Variants in ERC1 observed in about 807,000 individuals in gnomAD.
ERC1 encodes the protein RAB6 interacting protein 2.
ERC1 carries 56 observed loss-of-function variants against 132.0 expected under a neutral mutation model. That is an observed-to-expected ratio of 0.42 (90% CI 0.34 to 0.53). ERC1 has a LOEUF of 0.53. ERC1 is among the 20% of genes least tolerant of loss of function. ERC1 has a pLI of 0.03. For missense variants in ERC1, 1,202 were observed against 1,349.9 expected, an observed-to-expected ratio of 0.89 and a Z score of 1.72; for synonymous variants, 478 against 476.1, an observed-to-expected ratio of 1.00 and a Z score of -0.05.
intron 1 of ERC1, among the ~76,000 whole-genome samples, chr12:1,007,669 A>G (rs954450243): frequency 3.9e-5 from 6 of 152,136 alleles, no homozygotes; most frequent in Admixed American, 2.6e-4. Flanking sequence ...GAACAGTGCT[A>G]TTGGGTACAG....
intron 16 of ERC1, among the ~76,000 whole-genome samples, chr12:1,406,930 TA>T (rs2091533779): frequency 6.6e-6 from 1 of 152,190 alleles, no homozygotes; most frequent in South Asian, 2.1e-4. Context: ...AATCATACAG[TA>T]TTAGCAAGTT....
intron 15 of ERC1, among the ~76,000 whole-genome samples, chr12:1,309,971 A>G (rs970846307): frequency 6.7e-6 from 1 of 149,476 alleles, no homozygotes; most frequent in African/African-American, 2.5e-5. Flanking sequence ...GTTTTGAGAC[A>G]GAGTCTCGTG....
At chr12:1,033,058 CAA>C (rs1170947859) in intron 2 of ERC1, among the ~76,000 whole-genome samples, 6 of 144,994 alleles carry the variant, frequency 4.1e-5, no homozygotes, top group East Asian at 4.2e-4. Flanking sequence ...TTTTTTGAAA[CAA>C]GAGTCTCGCT....
intron 15 of ERC1, among the ~76,000 whole-genome samples, chr12:1,311,779 G>A (rs1180253871): frequency 6.6e-6 from 1 of 152,094 alleles, no homozygotes; most frequent in East Asian, 1.9e-4. Context: ...TATTTTTCTG[G>A]CTATTTCACT....
intron 12 of ERC1, among the ~76,000 whole-genome samples, chr12:1,222,714 AT>A (rs1406539793): frequency 6.6e-6 from 1 of 152,024 alleles, no homozygotes; most frequent in Non-Finnish European, 1.5e-5. Context: ...GAAGCATCCT[AT>A]TTTTTCTTAA....
intron 14 of ERC1, among the ~76,000 whole-genome samples, chr12:1,288,492 A>T (rs952992110): frequency 1.1e-4 from 16 of 152,244 alleles, no homozygotes; most frequent in African/African-American, 3.4e-4. Flanking sequence ...CACTTCTGGA[A>T]GGATAAAAAA....
At chr12:1,456,212 C>T (rs1376598541) in intron 18 of ERC1, among the ~76,000 whole-genome samples, 1 of 152,168 alleles carries the variant, frequency 6.6e-6, no homozygotes, top group Non-Finnish European at 1.5e-5. Context: ...GTCAAAGTAT[C>T]CTAATTTGAA....
chr12:1,011,114 T>C (rs902713566), intron 1 of ERC1, among the ~76,000 whole-genome samples: 1 of 152,224 alleles, frequency 6.6e-6, no homozygotes, highest in Non-Finnish European at 1.5e-5. Context: ...AAAATGACTT[T>C]GAGACTAGGT....
chr12:1,192,155 T>C (rs1459930124), intron 12 of ERC1, among the ~76,000 whole-genome samples: 1 of 152,178 alleles, frequency 6.6e-6, no homozygotes, highest in East Asian at 1.9e-4. Flanking sequence ...ATTTGAAGAC[T>C]CCTTACCCTT....
At chr12:1,232,777 T>G in intron 12 of ERC1, among the ~76,000 whole-genome samples, 1 of 152,138 alleles carries the variant, frequency 6.6e-6, no homozygotes, top group Non-Finnish European at 1.5e-5. Context: ...TTTAGGATGA[T>G]TATCTTTAAT....
chr12:1,444,633 C>G lies in ERC1; in HGVS notation c.3096C>G (p.Thr1032=). The G allele has an allele frequency of 1.2e-6, 2 of 1,614,018 alleles. No homozygotes were observed. The highest frequency in any genetic ancestry group is 2.2e-5 in the South Asian group (2 of 91,072). Residue 1032 remains threonine, a synonymous_variant, in exon 18 of 19, where the codon ACC becomes ACG. Transcript: ENST00000360905. The stretch of plus-strand genomic sequence containing the variant: ...AGTTGTACATTGGACACCTGACAAC[C>G]CTCTGCCATGACCGAGACCCCCTGA... ...KLKLYIGHLT[T]LCHDRDPLIL... is the part of the protein sequence containing the mutation.
chr12:1,398,086 C>T (rs1436864477), intron 16 of ERC1, among the ~76,000 whole-genome samples: 1 of 152,132 alleles, frequency 6.6e-6, no homozygotes, highest in Admixed American at 6.6e-5. Context: ...CAGGCTCAAT[C>T]GATCCTCCCA....
rs1482399610 is a variant in ERC1 at position 1,418,615 on chromosome 12, CTTTCTTTCTT to C, written c.3024+10370_3024+10379del. The stretch of plus-strand genomic sequence containing the variant: ...TCTTTCTTTCTTTCTTTCTTTCTTT[CTTTCTTTCTT>C]TCTTTCTTTCTTTCTTTCTCTCTCT... On this transcript the variant is annotated intron_variant, in intron 17 of 18. Transcript: ENST00000360905. Among the ~76,000 whole-genome samples the C allele has an allele frequency of 1.6e-3, 182 of 116,704 alleles. 3 individuals are homozygous for C. The highest frequency in any genetic ancestry group is 8.5e-3 in the African/African-American group (169 of 19,998). The allele number at this position is 116,704 out of a possible 152,430, so 76.6% of individuals were successfully genotyped here. A position where few individuals can be genotyped will look rare whatever the true frequency, so the allele number is the denominator to read the frequency against.
At chr12:1,483,844 C>T (rs73601964) in intron 18 of ERC1, among the ~76,000 whole-genome samples, 4 of 151,740 alleles carry the variant, frequency 2.6e-5, no homozygotes, top group Non-Finnish European at 4.4e-5. Flanking sequence ...GCACTCACCA[C>T]CACATGTGAC....
chr12:1,486,026 A>G (rs1229938070), intron 18 of ERC1, among the ~76,000 whole-genome samples: 1 of 152,246 alleles, frequency 6.6e-6, no homozygotes, highest in Non-Finnish European at 1.5e-5. Flanking sequence ...CATTGACTTC[A>G]TATGCTTCCT....
At chr12:1,243,349 C>T (rs1214399502) in intron 13 of ERC1, among the ~76,000 whole-genome samples, 1 of 151,816 alleles carries the variant, frequency 6.6e-6, no homozygotes, top group Non-Finnish European at 1.5e-5. Flanking sequence ...GAACCAATCC[C>T]CAGAAGATAC....
chr12:1,227,912 A>G (rs547387679), intron 12 of ERC1, among the ~76,000 whole-genome samples: 2 of 152,318 alleles, frequency 1.3e-5, no homozygotes, highest in African/African-American at 4.8e-5. Flanking sequence ...AAGAGATTAT[A>G]CTTTCCCCAA....
At chr12:1,351,689 A>G (rs1233708263) in intron 15 of ERC1, among the ~76,000 whole-genome samples, 2 of 152,118 alleles carry the variant, frequency 1.3e-5, no homozygotes, top group Non-Finnish European at 2.9e-5. Flanking sequence ...TTCAATTTTT[A>G]ATTGATACAA....
chr12:1,042,682 T>G (rs1335647893), intron 2 of ERC1, among the ~76,000 whole-genome samples: 1 of 152,118 alleles, frequency 6.6e-6, no homozygotes, highest in East Asian at 1.9e-4. Flanking sequence ...TGCATTGTAT[T>G]TATGTGATAA....
Sources: gnomAD v4.1 joint callset for allele counts (sites outside exome capture counted in the v4.1 genomes callset) on GRCh38, gnomAD v4.1.1 for gene constraint, MANE v1.5 for transcripts, NCBI Gene and HGNC (gene_info 2026-07-23, HGNC 2026-07-21) for gene names.